The following WLS variants were observed in gnomAD, a reference collection of about 807,000 sequenced individuals.
WLS encodes protein wntless homolog.
In WLS, 23 loss-of-function variants were observed where a neutral mutation model predicts 62.8. That is an observed-to-expected ratio of 0.37 (90% CI 0.26 to 0.52). The LOEUF (loss-of-function observed/expected upper bound fraction) is 0.52, where lower values mean the gene tolerates loss of function less well. Among genes scored for constraint, WLS ranks in the 20% least tolerant of loss-of-function variants. WLS has a pLI of 0.92. For synonymous variants in WLS, 246 were observed against 244.1 expected (o/e 1.01, Z -0.07); for missense variants, 615 against 697.3 (o/e 0.88, Z 1.33).
At chr1:68,182,459 A>G (rs1647641364) in intron 2 of WLS, among the ~76,000 whole-genome samples, 1 of 152,222 alleles carries the variant, frequency 6.6e-6, no homozygotes, top group Admixed American at 6.5e-5. Context: ...GCAAACAAAC[A>G]TCATGTCCCT....
intron 11 of WLS, among the ~76,000 whole-genome samples, chr1:68,114,416 G>T (rs1471742237): frequency 6.6e-6 from 1 of 152,074 alleles, no homozygotes; most frequent in Non-Finnish European, 1.5e-5. Flanking sequence ...CAGGTGTCAA[G>T]AATCTATAAT....
chr1:68,101,280 G>C (rs1646074597), intron 11 of WLS, among the ~76,000 whole-genome samples: 1 of 152,006 alleles, frequency 6.6e-6, no homozygotes, highest in South Asian at 2.1e-4. Context: ...TGGCAGAGAG[G>C]GGCCAATAAA....
At chr1:68,157,062 GGA>G (rs1185813093) in intron 3 of WLS, among the ~76,000 whole-genome samples, 1 of 152,198 alleles carries the variant, frequency 6.6e-6, no homozygotes, top group Non-Finnish European at 1.5e-5. Flanking sequence ...AGCAGAATTG[GGA>G]GAAGGACATG....
At chr1:68,153,820 T>G (rs908391722) in intron 4 of WLS, among the ~76,000 whole-genome samples, 167 bp from the exon 5 acceptor site, 7 of 152,128 alleles carry the variant, frequency 4.6e-5, no homozygotes, top group Admixed American at 4.6e-4. Context: ...CCTTGGACTC[T>G]CCTCAGAGAT....
intron 1 of WLS, among the ~76,000 whole-genome samples, chr1:68,224,539 C>A (rs1650059705): frequency 1.3e-5 from 2 of 152,194 alleles, no homozygotes; most frequent in South Asian, 2.1e-4. Flanking sequence ...CAACTCTAAG[C>A]CATCTTTTGC....
At chr1:68,131,086 GTT>G (rs921428670) in intron 11 of WLS, among the ~76,000 whole-genome samples, 2 of 100,244 alleles carry the variant, frequency 2.0e-5, no homozygotes, top group African/African-American at 3.2e-5. Context: ...GTGTGTGTGT[GTT>G]TTTAAGTAGA....
intron 1 of WLS, among the ~76,000 whole-genome samples, chr1:68,206,528 T>G (rs991473883): frequency 1.3e-5 from 2 of 152,310 alleles, no homozygotes; most frequent in African/African-American, 4.8e-5. Context: ...AGGTGACTTT[T>G]AGGGTCTTTG....
chr1:68,148,226 A>G (rs1312731434), intron 7 of WLS, 27 bp from the exon 8 acceptor site: 3 of 1,611,520 alleles, frequency 1.9e-6, no homozygotes, highest in Non-Finnish European at 2.5e-6. Context: ...ATGGAAAGGC[A>G]AGACACAATT....
chr1:68,106,122 C>A (rs1031094264), intron 11 of WLS, among the ~76,000 whole-genome samples: 2 of 152,068 alleles, frequency 1.3e-5, no homozygotes, highest in Admixed American at 6.6e-5. Flanking sequence ...CAGCCAAAAA[C>A]AACTAACAGT....
chr1:68,122,946 T>G (rs1255624225), downstream of WLS, among the ~76,000 whole-genome samples: 2 of 152,210 alleles, frequency 1.3e-5, no homozygotes, highest in Non-Finnish European at 2.9e-5. Flanking sequence ...GATGAAAGTG[T>G]CTTTTCACTC....
At chr1:68,221,899 A>G (rs1356497618) in intron 1 of WLS, among the ~76,000 whole-genome samples, 1 of 152,212 alleles carries the variant, frequency 6.6e-6, no homozygotes, top group African/African-American at 2.4e-5. Flanking sequence ...AGGGGCCCAT[A>G]ACATTGTAAG....
At chr1:68,140,502 A>G (rs1170493763) in intron 10 of WLS, among the ~76,000 whole-genome samples, 1 of 152,222 alleles carries the variant, frequency 6.6e-6, no homozygotes, top group African/African-American at 2.4e-5. Context: ...TATAAACTGG[A>G]TATATAAACA....
chr1:68,187,087 C>G (rs1292950612), intron 2 of WLS, among the ~76,000 whole-genome samples: 1 of 150,692 alleles, frequency 6.6e-6, no homozygotes, highest in Non-Finnish European at 1.5e-5. Context: ...TGGCAGGCGC[C>G]TGTAGTCCCA....
At chr1:68,120,448 C>T (rs972824852), downstream of WLS, among the ~76,000 whole-genome samples, 22 of 152,198 alleles carry the variant, frequency 1.4e-4, no homozygotes, top group Non-Finnish European at 2.8e-4. Flanking sequence ...AGAGTTGCAG[C>T]TCACAACATT....
At chr1:68,179,407 C>T (rs1647421037) in intron 2 of WLS, among the ~76,000 whole-genome samples, 2 of 152,136 alleles carry the variant, frequency 1.3e-5, no homozygotes, top group South Asian at 4.1e-4. Flanking sequence ...GGAGTCCTAA[C>T]ATCATGTACA....
intron 1 of WLS, among the ~76,000 whole-genome samples, chr1:68,222,810 A>G (rs2100663562): frequency 6.6e-6 from 1 of 151,752 alleles, no homozygotes; most frequent in South Asian, 2.1e-4. Context: ...GGATTCAAGT[A>G]GCCACACTCA....
chr1:68,153,685 G>A, intron 4 of WLS, 32 bp from the exon 5 acceptor site: 1 of 1,613,402 alleles, frequency 6.2e-7, no homozygotes, highest in Non-Finnish European at 8.5e-7. Context: ...TTTTGAAGGT[G>A]AATATTATCT....
At chr1:68,140,309 TCTCTGAAGGTAGCACATG>T (rs1183247339) in intron 10 of WLS, among the ~76,000 whole-genome samples, 25 of 152,254 alleles carry the variant, frequency 1.6e-4, no homozygotes, top group South Asian at 6.2e-4. Context: ...CAGGGGTTGA[TCTCTGAAGGTAGCACATG>T]CTCTGAAGGT....
intron 11 of WLS, among the ~76,000 whole-genome samples, chr1:68,105,648 G>GCAGAGGTTACT (rs1481221008): frequency 1.3e-5 from 2 of 152,164 alleles, no homozygotes; most frequent in African/African-American, 4.8e-5. Context: ...GGTTTACTAA[G>GCAGAGGTTACT]AAACTACCTA....
Sources: allele counts gnomAD v4.1 joint callset (sites outside exome capture counted in the v4.1 genomes callset), GRCh38; gene constraint gnomAD v4.1.1; transcripts MANE v1.5; gene names NCBI Gene and HGNC (gene_info 2026-07-23, HGNC 2026-07-21).